The following MEGF6 variants were observed in gnomAD, a reference collection of about 807,000 sequenced individuals.
MEGF6 encodes the protein multiple EGF like domains 6.
In MEGF6, 184 loss-of-function variants were observed where a neutral mutation model predicts 207.1. The observed-to-expected ratio is 0.89, with a 90% CI of 0.79 to 1.00. MEGF6 has a LOEUF of 1.00. MEGF6 is among the 50% of genes least tolerant of loss of function. MEGF6 has a pLI of 0.00. For synonymous variants in MEGF6, 1,038 were observed against 910.0 expected, an observed-to-expected ratio of 1.14 and a Z score of -2.53; for missense variants, 2,282 against 2,202.9, an observed-to-expected ratio of 1.04 and a Z score of -0.72.
At chr1:3,530,984 GC>G (rs1174351003) in intron 4 of MEGF6, 4 of 1,378,480 alleles carry the variant, frequency 2.9e-6, no homozygotes, top group South Asian at 1.6e-5. Flanking sequence ...CTAGCAGGCA[GC>G]GCCCTGGCGC....
chr1:3,499,925 CTG>C lies in MEGF6; in HGVS notation c.2708-3_2708-2del. 1 of 1,559,624 alleles carries C rather than the reference CTG, an allele frequency of 6.4e-7. No individual in the cohort carries two copies. Among genetic ancestry groups the C allele is most frequent in the Non-Finnish European group, 8.7e-7 (1 of 1,153,068 alleles). Reference sequence around the variant, plus strand: ...GGCCCAAAGTGGCCCTGGGGACACTCTGAGATATGCAGCCCCGGCCCACAGTC... The same window carrying C: ...GGCCCAAAGTGGCCCTGGGGACACTCAGATATGCAGCCCCGGCCCACAGTC... On this transcript the variant is annotated splice_acceptor_variant and splice_polypyrimidine_tract_variant and intron_variant, in intron 21 of 36. Coordinates refer to ENST00000356575, the MANE Select transcript of MEGF6 (RefSeq NM_001409.4). LOFTEE classifies it high-confidence loss of function.
chr1:3,498,401 C>A lies in MEGF6; in HGVS notation c.3322G>T (p.Ala1108Ser). 1 of 1,600,552 alleles carries A rather than the reference C, an allele frequency of 6.2e-7. No individual in the cohort carries two copies. ...TGACACTTGTCCCCAGTCCAGCCGG[C>A]TGGGCAGAGGCAGCGGCCCGTGTGC... The part of the protein sequence containing the change: ...DPHTGRCLCP[A>S]GWTGDKCQSP... The change falls in exon 26 of 37, where the codon GCC (alanine) becomes TCC (serine). Residue 1108 changes from alanine (A) to serine (S), a missense_variant. Ala to Ser is a moderately conservative substitution (Grantham distance 99). Transcript: ENST00000356575.
At chr1:3,600,301 G>A (rs1644137587) in intron 2 of MEGF6, among the ~76,000 whole-genome samples, 1 of 151,800 alleles carries the variant, frequency 6.6e-6, no homozygotes, top group South Asian at 2.1e-4. Flanking sequence ...GGGCACAGGA[G>A]GAGTGGCCTG....
chr1:3,512,054 C>G lies in MEGF6; in HGVS notation c.928G>C (p.Val310Leu). The stretch of plus-strand genomic sequence containing the variant: ...CCCAGCTCATAGCCCGCGTGACACA[C>G]GCACTTGAAGGACCCCTGGGTGTTG... Reference protein sequence around the residue: ...CLNTQGSFKCVCHAGYELGAD... With the variant: ...CLNTQGSFKCLCHAGYELGAD... The change falls in exon 8 of 37, where the codon GTG becomes CTG. Residue 310 changes from valine to leucine, a missense_variant. Transcript: ENST00000356575. The G allele has an allele frequency of 6.2e-7, 1 of 1,612,800 alleles. No homozygotes were observed. Among genetic ancestry groups the G allele is most frequent in the Non-Finnish European group, 8.5e-7 (1 of 1,179,916 alleles).
chr1:3,587,508 G>A (rs116480439), intron 3 of MEGF6, among the ~76,000 whole-genome samples: 1,552 of 152,376 alleles, frequency 0.01, 17 homozygotes, highest in Non-Finnish European at 0.018. Flanking sequence ...ACACTGTGAT[G>A]TATAGTTTGC....
chr1:3,550,345 C>T (rs886712479), intron 4 of MEGF6, among the ~76,000 whole-genome samples: 3 of 152,190 alleles, frequency 2.0e-5, no homozygotes, highest in Admixed American at 1.3e-4. Context: ...AAACCTCGTG[C>T]TGTGTGAAAG....
chr1:3,579,113 G>A (rs1190271797), intron 4 of MEGF6, among the ~76,000 whole-genome samples: 6 of 152,224 alleles, frequency 3.9e-5, no homozygotes, highest in Admixed American at 6.5e-5. Context: ...CCATCGGGAC[G>A]GCCGTGGCTC....
chr1:3,510,950 GCACACGCCCCCACC>G (rs146093263), intron 9 of MEGF6, 48 bp from the exon 10 acceptor site: 88,730 of 1,564,934 alleles, frequency 0.057, 2,799 homozygotes, highest in East Asian at 0.11. Context: ...ACCTGCACGT[GCACACGCCCCCACC>G]CACACACAAC....
chr1:3,495,789 C>T lies in MEGF6; in HGVS notation c.3871+101G>A, dbSNP rs998873543. 80 of 1,420,210 alleles carry T rather than the reference C, an allele frequency of 5.6e-5. No individual in the cohort carries two copies. In the South Asian group the frequency reaches 6.1e-4, roughly 11 times the overall value. 88.0% of individuals were successfully genotyped at this position (1,420,210 alleles called of 1,614,324 possible). ...GGGAGCTGGTGGCAGCCAGGATGTG[C>T]GGGTGTCTGGGCTGGGCCCACCCCT... On this transcript the variant is annotated intron_variant, in intron 30 of 36. Transcript: ENST00000356575.
intron 4 of MEGF6, among the ~76,000 whole-genome samples, chr1:3,542,319 G>C (rs1185719187): frequency 6.6e-6 from 1 of 152,268 alleles, no homozygotes; most frequent in African/African-American, 2.4e-5. Flanking sequence ...TGGTCTTCCA[G>C]CCAAACCATG....
chr1:3,544,772 C>T (rs1303973670), intron 4 of MEGF6, among the ~76,000 whole-genome samples: 1 of 152,178 alleles, frequency 6.6e-6, no homozygotes, highest in Non-Finnish European at 1.5e-5. Flanking sequence ...TCCCACACAC[C>T]ATCGAGTGGG....
chr1:3,491,036 C>T, intron 35 of MEGF6, 77 bp from the exon 36 acceptor site: 2 of 1,370,946 alleles, frequency 1.5e-6, no homozygotes, highest in Non-Finnish European at 2.0e-6. Context: ...AAGGCGTGAC[C>T]CCATCCAGGC....
Position 3,488,098 on chromosome 1 carries a change from G to C in MEGF6, c.*2430C>G, listed in dbSNP as rs1410278469. ...ATCATCTCAAGCGTTTATTATGTGT[G>C]TTGAGAATGTTCAATATCCTCCTTC... On this transcript the variant is annotated 3_prime_UTR_variant, in exon 37 of 37. Coordinates refer to ENST00000356575, the MANE Select transcript of MEGF6 (RefSeq NM_001409.4). Among the ~76,000 whole-genome samples the C allele has an allele frequency of 6.6e-6, 1 of 152,174 alleles. No homozygotes were observed. Among genetic ancestry groups the C allele is most frequent in the Admixed American group, 6.5e-5 (1 of 15,284 alleles).
Position 3,593,231 on chromosome 1 carries a change from C to T in MEGF6, c.376+2107G>A, listed in dbSNP as rs537636831. On this transcript the variant is annotated intron_variant, in intron 3 of 36. Coordinates refer to ENST00000356575, the MANE Select transcript of MEGF6 (RefSeq NM_001409.4). Reference sequence around the variant, plus strand: ...ACACTGAGATCCCCACAGCGGGGAGCGGCTGAACCAGCCTCGGGGGACGAC... The same window carrying T: ...ACACTGAGATCCCCACAGCGGGGAGTGGCTGAACCAGCCTCGGGGGACGAC... Among the ~76,000 whole-genome samples the T allele has an allele frequency of 3.3e-5, 5 of 152,234 alleles. No homozygotes were observed. In the South Asian group the frequency reaches 6.2e-4, roughly 19 times the overall value.
At chr1:3,583,324 ACAGCCACCAGACAACGCG>A (rs1306345999) in intron 3 of MEGF6, among the ~76,000 whole-genome samples, 1,982 of 98,350 alleles carry the variant, frequency 0.02, 21 homozygotes, top group East Asian at 0.085. Context: ...CAGACAACCC[ACAGCCACCAGACAACGCG>A]CAGCCACCAG....
chr1:3,495,327 C>T (rs192220074), intron 30 of MEGF6, among the ~76,000 whole-genome samples: 4 of 152,322 alleles, frequency 2.6e-5, no homozygotes, highest in Admixed American at 6.5e-5. Context: ...GTGGGGGCAG[C>T]CAGTCCCTTG....
chr1:3,551,271 G>A (rs1406472862), intron 4 of MEGF6, among the ~76,000 whole-genome samples: 1 of 152,216 alleles, frequency 6.6e-6, no homozygotes, highest in Non-Finnish European at 1.5e-5. Context: ...GTGTCAGCCT[G>A]CTCCTGCGTG....
At chr1:3,500,808 GCCACGGGCA>G in intron 20 of MEGF6, 44 bp from the exon 21 acceptor site, 1 of 1,596,672 alleles carries the variant, frequency 6.3e-7, no homozygotes, top group Non-Finnish European at 8.5e-7. Context: ...CCAAGCGCGG[GCCACGGGCA>G]CCACAGCCGA....
chr1:3,514,661 A>C lies in MEGF6; in HGVS notation c.742T>G (p.Cys248Gly), dbSNP rs1641474971. 5 of 1,580,184 alleles carry C rather than the reference A, an allele frequency of 3.2e-6. No individual in the cohort carries two copies. Among genetic ancestry groups the C allele is most frequent in the South Asian group, 1.1e-5 (1 of 87,528 alleles). The change falls in exon 7 of 37, where the codon TGT (cysteine) becomes GGT (glycine). Residue 248 changes from cysteine (C) to glycine (G), a missense_variant. Cys to Gly is a radical substitution (Grantham distance 159). Transcript: ENST00000356575. ...ATGCAGCTGCCGTTCCTGTTGGCAC[A>C]CGGGCTTCTACCTGCAGCCACGGGC... ...DGRHCVRRSP[C>G]ANRNGSCMHR...
Sources: allele counts gnomAD v4.1 joint callset (sites outside exome capture counted in the v4.1 genomes callset), GRCh38; gene constraint gnomAD v4.1.1; transcripts MANE v1.5; gene names NCBI Gene and HGNC (gene_info 2026-07-23, HGNC 2026-07-21).